IGSF23: variants seen among roughly 807,000 people sequenced by gnomAD.
IGSF23 encodes immunoglobulin superfamily, member 23.
A neutral mutation model predicts 17.8 loss-of-function variants in IGSF23; 14 were observed. The ratio of observed to expected loss-of-function variants is 0.79; its 90% CI spans 0.52 to 1.23. IGSF23 has a LOEUF of 1.23. Ranked by LOEUF, IGSF23 falls within the 50% of genes most tolerant of loss-of-function variation. IGSF23 has a pLI of 0.00. For missense variants in IGSF23, 214 were observed against 241.7 expected (o/e 0.89, Z 0.76); for synonymous variants, 85 against 92.5 (o/e 0.92, Z 0.46).
At chr19:44,633,039 G>C (rs1223163147) in intron 3 of IGSF23, among the ~76,000 whole-genome samples, 1 of 152,194 alleles carries the variant, frequency 6.6e-6, no homozygotes, top group Non-Finnish European at 1.5e-5. Flanking sequence ...AGGGCGTCTG[G>C]AAAACTTTAC....
chr19:44,618,213 T>A (rs978061872), intron 1 of IGSF23: 1 of 470,866 alleles, frequency 2.1e-6, no homozygotes, highest in African/African-American at 2.0e-5. Context: ...CACGTCTTGG[T>A]TCTGAGGGTA....
rs527815877 is a variant in IGSF23, at chr19:44,619,997, G to A, written c.126-3710G>A. ...CAAAAAGTTCCAGTGTCGGCCAGGC[G>A]CAGTGGCTCACGCCTGTAATCCCAG... On this transcript the variant is annotated intron_variant, in intron 1 of 4. Transcript: ENST00000402988. Among the ~76,000 whole-genome samples the A allele has an allele frequency of 2.0e-5, 3 of 152,228 alleles. No homozygotes were observed. The South Asian group carries it at 6.2e-4, about 32-fold the overall frequency.
At chr19:44,614,824 G>T (rs1972333907) in intron 1 of IGSF23, among the ~76,000 whole-genome samples, 2 of 152,156 alleles carry the variant, frequency 1.3e-5, no homozygotes, top group Non-Finnish European at 2.9e-5. Flanking sequence ...TTTCACAGAA[G>T]GGGAAACTGA....
intron 3 of IGSF23, chr19:44,632,218 G>GT (rs1181607802): frequency 4.9e-5 from 14 of 284,826 alleles, no homozygotes; most frequent in Non-Finnish European, 9.5e-5. Flanking sequence ...GAAAGCACAT[G>GT]TAACTGTGTC....
chr19:44,618,346 G>A (rs957619802), intron 1 of IGSF23, among the ~76,000 whole-genome samples: 2 of 152,082 alleles, frequency 1.3e-5, no homozygotes, highest in Admixed American at 6.5e-5. Context: ...CTCAGGACTC[G>A]GGCAGCTACA....
chr19:44,630,206 C>A (rs1972735767), intron 3 of IGSF23, among the ~76,000 whole-genome samples: 1 of 152,106 alleles, frequency 6.6e-6, no homozygotes, highest in South Asian at 2.1e-4. Context: ...GAACTGGGGC[C>A]AGGTCTCCAT....
chr19:44,613,640 G>C lies in IGSF23; in HGVS notation c.-6G>C. The C allele has an allele frequency of 6.5e-7, 1 of 1,544,316 alleles. No individual in the cohort carries two copies. The highest frequency in any genetic ancestry group is 8.8e-7 in the Non-Finnish European group (1 of 1,142,644). ...CATCTCCCGGCGGGGATTGTACGGT[G>C]AGAGAATGAGAGCAAAACCTCAGAG... On this transcript the variant is annotated 5_prime_UTR_variant, in exon 1 of 5. Coordinates refer to ENST00000402988, the MANE Select transcript of IGSF23 (RefSeq NM_001205280.2).
At chr19:44,615,720 C>T (rs902057491) in intron 1 of IGSF23, among the ~76,000 whole-genome samples, 1 of 151,736 alleles carries the variant, frequency 6.6e-6, no homozygotes, top group Admixed American at 6.6e-5. Flanking sequence ...AGGCAGGTGT[C>T]ACACTGGAAG....
At chr19:44,614,032 G>A (rs1363839289) in intron 1 of IGSF23, 7 of 1,440,482 alleles carry the variant, frequency 4.9e-6, no homozygotes, top group Non-Finnish European at 1.9e-6. Context: ...CCAGGGACAA[G>A]GAGGAGAGTG....
At chr19:44,615,594 G>C (rs573283766) in intron 1 of IGSF23, among the ~76,000 whole-genome samples, 48 of 150,438 alleles carry the variant, frequency 3.2e-4, no homozygotes, top group Non-Finnish European at 5.9e-4. Context: ...TTGCACTCCA[G>C]CCTGAGCAAC....
intron 1 of IGSF23, among the ~76,000 whole-genome samples, chr19:44,621,708 A>G (rs1221324908): frequency 1.3e-5 from 2 of 152,196 alleles, no homozygotes; most frequent in African/African-American, 4.8e-5. Flanking sequence ...TTTCATGAGA[A>G]ATGCTTTTCA....
intron 3 of IGSF23, chr19:44,632,300 CTG>C (rs1972785218): frequency 1.1e-5 from 2 of 187,274 alleles, no homozygotes; most frequent in South Asian, 1.8e-4. Context: ...TAATTGTTCT[CTG>C]TGTCAGCCCT....
intron 3 of IGSF23, among the ~76,000 whole-genome samples, chr19:44,628,926 C>T (rs996348752): frequency 2.6e-5 from 4 of 151,902 alleles, no homozygotes; most frequent in African/African-American, 7.3e-5. Context: ...TGGGGAGCCA[C>T]GTGAGGGTCT....
chr19:44,631,092 C>CA (rs34410787), intron 3 of IGSF23, among the ~76,000 whole-genome samples: 61,130 of 129,556 alleles, frequency 0.47, 13,698 homozygotes, highest in African/African-American at 0.59. Flanking sequence ...CATGTCTCTA[C>CA]AAAAAAAAAA....
At chr19:44,617,681 G>A (rs1251627069) in intron 1 of IGSF23, among the ~76,000 whole-genome samples, 1 of 152,158 alleles carries the variant, frequency 6.6e-6, no homozygotes, top group Non-Finnish European at 1.5e-5. Flanking sequence ...AAATAAGGTG[G>A]TGAGAAAATG....
Position 44,623,842 on chromosome 19 carries a change from G to T in IGSF23, c.261G>T (p.Gly87=). The T allele has an allele frequency of 1.9e-6, 3 of 1,550,872 alleles. No homozygotes were observed. The highest frequency in any genetic ancestry group is 2.6e-6 in the Non-Finnish European group (3 of 1,147,048). ...PEPVLSWTFS[G]VPCGMGEKLF... ...CTGTGCTGAGCTGGACCTTCAGTGG[G>T]GTGCCCTGTGGGATGGGAGAGAAGC... The change falls in exon 2 of 5, where the codon GGG becomes GGT. Residue 87 remains glycine, a synonymous_variant. Coordinates refer to ENST00000402988, the MANE Select transcript of IGSF23 (RefSeq NM_001205280.2).
At chr19:44,622,515 CAAG>C (rs1473499853) in intron 1 of IGSF23, among the ~76,000 whole-genome samples, 5 of 152,302 alleles carry the variant, frequency 3.3e-5, no homozygotes, top group Middle Eastern at 3.4e-3. Context: ...AAAATGCAGA[CAAG>C]AAGTGGGGAC....
intron 3 of IGSF23, among the ~76,000 whole-genome samples, chr19:44,634,646 G>A (rs975689942): frequency 6.6e-6 from 1 of 152,080 alleles, no homozygotes; most frequent in African/African-American, 2.4e-5. Context: ...GGAGGGTCAG[G>A]CCACTATTTA....
At chr19:44,613,818 C>A in intron 1 of IGSF23, 48 bp downstream of exon 1, 1 of 1,547,672 alleles carries the variant, frequency 6.5e-7, no homozygotes, top group Non-Finnish European at 8.7e-7. Flanking sequence ...TCATCGTGAG[C>A]AGGGTCCTGC....
Sources: allele counts gnomAD v4.1 joint callset (sites outside exome capture counted in the v4.1 genomes callset), GRCh38; gene constraint gnomAD v4.1.1; transcripts MANE v1.5; gene names NCBI Gene and HGNC (gene_info 2026-07-23, HGNC 2026-07-21).